The following CGNL1 variants were observed in gnomAD, a reference collection of about 807,000 sequenced individuals.
CGNL1 encodes cingulin-like protein 1.
In CGNL1, 132 loss-of-function variants were observed where a neutral mutation model predicts 141.2. The observed-to-expected ratio is 0.93, with a 90% CI of 0.81 to 1.08. The LOEUF (loss-of-function observed/expected upper bound fraction) is 1.08, where lower values mean the gene tolerates loss of function less well. Ranked by LOEUF, CGNL1 falls within the 50% of genes least tolerant of loss-of-function variation. The probability of loss-of-function intolerance (pLI) is 0.00; values close to 1 mark genes in which losing one functional copy is unlikely to be tolerated. For synonymous variants in CGNL1, 690 were observed against 622.1 expected (o/e 1.11, Z -1.63); for missense variants, 1,870 against 1,588.6 (o/e 1.18, Z -3.01).
chr15:57,486,609 A>T (rs2063788853), intron 8 of CGNL1, among the ~76,000 whole-genome samples: 1 of 152,180 alleles, frequency 6.6e-6, no homozygotes, highest in Admixed American at 6.5e-5. Context: ...ACAGCTTGTC[A>T]AGGGTGACCT....
At chr15:57,419,719 T>A (rs146332813) in intron 1 of CGNL1, among the ~76,000 whole-genome samples, 218 of 152,322 alleles carry the variant, frequency 1.4e-3, no homozygotes, top group African/African-American at 5.1e-3. Flanking sequence ...ACTACTGATA[T>A]TGATCTTGAT....
chr15:57,500,573 C>G (rs1446551352), intron 8 of CGNL1, among the ~76,000 whole-genome samples: 1 of 152,134 alleles, frequency 6.6e-6, no homozygotes, highest in Non-Finnish European at 1.5e-5. Flanking sequence ...TTAGGGCAAT[C>G]ATTTATCAGG....
At chr15:57,517,965 G>C (rs1451781928) in intron 9 of CGNL1, among the ~76,000 whole-genome samples, 1 of 149,470 alleles carries the variant, frequency 6.7e-6, no homozygotes, top group Non-Finnish European at 1.5e-5. Flanking sequence ...ACTGTTTTCA[G>C]ATCTCCAGGA....
chr15:57,438,825 C>T lies in CGNL1; in HGVS notation c.826C>T (p.Leu276Phe). 1 of 1,614,202 alleles carries T rather than the reference C, an allele frequency of 6.2e-7. No individual in the cohort carries two copies. The part of the protein sequence containing the change: ...PETKKTRPDV[L>F]PFRRQDSAGP... ...AACCAAGAAAACCAGGCCAGATGTT[C>T]TTCCCTTCCGGCGACAGGATTCAGC... Residue 276 changes from leucine (L) to phenylalanine (F), a missense_variant, in exon 2 of 19, where the codon CTT becomes TTT. By Grantham distance (22) the Leu-to-Phe change is conservative (BLOSUM62 0). Coordinates refer to ENST00000281282, the MANE Select transcript of CGNL1 (RefSeq NM_032866.5).
At chr15:57,427,497 C>T (rs555737559) in intron 1 of CGNL1, among the ~76,000 whole-genome samples, 11 of 152,272 alleles carry the variant, frequency 7.2e-5, no homozygotes, top group African/African-American at 1.7e-4. Flanking sequence ...ATGGCATGGA[C>T]GCTTCCCCAG....
intron 1 of CGNL1, among the ~76,000 whole-genome samples, chr15:57,423,499 A>G (rs1468245558): frequency 6.6e-6 from 1 of 152,000 alleles, no homozygotes; most frequent in Non-Finnish European, 1.5e-5. Flanking sequence ...TTTTTCCTCC[A>G]TTCTTTTGTT....
At chr15:57,543,231 T>C (rs1334558500) in intron 14 of CGNL1, among the ~76,000 whole-genome samples, 1 of 95,116 alleles carries the variant, frequency 1.1e-5, no homozygotes, top group East Asian at 3.2e-4. Context: ...TCCACTTCCC[T>C]GTGTCCATCT....
rs1424433567 is a variant in CGNL1 at position 57,467,468 on chromosome 15, A to G, written c.2403+5576A>G. Among the ~76,000 whole-genome samples the G allele has an allele frequency of 1.8e-4, 28 of 152,106 alleles. 1 individual carries two copies. The highest frequency in any genetic ancestry group is 1.8e-3 in the Admixed American group (27 of 15,272). ...TGTCTGGGCTGGGCTTTGTGGAGAA[A>G]ATGAAGTTAAGGTGGCTACAGATTC... On this transcript the variant is annotated intron_variant, in intron 8 of 18. Transcript: ENST00000281282.
chr15:57,412,532 C>T (rs2062801394), intron 1 of CGNL1, among the ~76,000 whole-genome samples: 1 of 152,186 alleles, frequency 6.6e-6, no homozygotes, highest in Admixed American at 6.5e-5. Flanking sequence ...TGATGCGGGA[C>T]TCCTTTCTCA....
chr15:57,457,923 A>G (rs957550204), intron 7 of CGNL1, among the ~76,000 whole-genome samples: 1 of 152,090 alleles, frequency 6.6e-6, no homozygotes, highest in Non-Finnish European at 1.5e-5. Context: ...CTTCTTGAGT[A>G]TGTGGTTTTG....
At chr15:57,519,236 A>C (rs931927152) in intron 10 of CGNL1, among the ~76,000 whole-genome samples, 1 of 152,208 alleles carries the variant, frequency 6.6e-6, no homozygotes, top group Admixed American at 6.5e-5. Flanking sequence ...TAAGTATCTC[A>C]GGTGAGTTTC....
rs2063153951 is a variant in CGNL1, at chr15:57,439,359, G to A, written c.1360G>A (p.Ala454Thr). ...FAKLQGAAHG[A>T]SCAHSRPPQP... is the part of the protein sequence containing the mutation. ...AAAGCTGCAGGGAGCAGCGCACGGG[G>A]CTTCATGTGCCCACTCCAGGCCTCC... The change falls in exon 2 of 19, where the codon GCT (alanine) becomes ACT (threonine). Residue 454 changes from alanine to threonine, a missense_variant. By Grantham distance (58) the Ala-to-Thr change is moderately conservative (BLOSUM62 0). Transcript: ENST00000281282. 2 of 1,614,018 alleles carry A rather than the reference G, an allele frequency of 1.2e-6. No individual in the cohort carries two copies. Among genetic ancestry groups the A allele is most frequent in the African/African-American group, 1.3e-5 (1 of 74,938 alleles).
At chr15:57,473,896 CTTCTTT>C (rs2063615416) in intron 8 of CGNL1, among the ~76,000 whole-genome samples, 1 of 110,114 alleles carries the variant, frequency 9.1e-6, no homozygotes. Flanking sequence ...TCTTCTTCTT[CTTCTTT>C]TTTTTTTTTT....
intron 1 of CGNL1, among the ~76,000 whole-genome samples, chr15:57,433,925 T>C (rs2063074697): frequency 7.5e-6 from 1 of 133,762 alleles, no homozygotes; most frequent in African/African-American, 2.8e-5. Context: ...TTCAGTGGAA[T>C]ACTTTTTTCT....
At chr15:57,494,584 G>A (rs2063910708) in intron 8 of CGNL1, among the ~76,000 whole-genome samples, 1 of 152,116 alleles carries the variant, frequency 6.6e-6, no homozygotes, top group African/African-American at 2.4e-5. Context: ...ATTTTGTTTT[G>A]GGAATCGGCC....
intron 1 of CGNL1, among the ~76,000 whole-genome samples, chr15:57,387,960 A>C (rs916039933): frequency 5.3e-5 from 8 of 152,238 alleles, no homozygotes; most frequent in African/African-American, 1.7e-4. Flanking sequence ...CTCAGCTGCC[A>C]CTAGTAGAAG....
intron 1 of CGNL1, among the ~76,000 whole-genome samples, chr15:57,436,116 T>A (rs1483031083): frequency 1.3e-5 from 2 of 152,160 alleles, no homozygotes. Flanking sequence ...TAGAAAATAG[T>A]AATAGAAACA....
chr15:57,497,179 C>A (rs2063951452), intron 8 of CGNL1, among the ~76,000 whole-genome samples: 1 of 152,192 alleles, frequency 6.6e-6, no homozygotes, highest in Admixed American at 6.5e-5. Context: ...CCTGGTGCAT[C>A]TGGTGACTTC....
intron 8 of CGNL1, among the ~76,000 whole-genome samples, chr15:57,470,975 G>C (rs2063574486): frequency 6.6e-6 from 1 of 152,204 alleles, no homozygotes; most frequent in African/African-American, 2.4e-5. Context: ...CTCTCTAGGA[G>C]CTTTGGGACG....
Sources: gnomAD v4.1 joint callset for allele counts (sites outside exome capture counted in the v4.1 genomes callset) on GRCh38, gnomAD v4.1.1 for gene constraint, MANE v1.5 for transcripts, NCBI Gene and HGNC (gene_info 2026-07-23, HGNC 2026-07-21) for gene names.